The following PCDH12 variants were observed in gnomAD, a reference collection of about 807,000 sequenced individuals.
PCDH12 encodes the protein protocadherin 12.
In PCDH12, 45 loss-of-function variants were observed where a neutral mutation model predicts 70.9. The observed-to-expected ratio is 0.63, with a 90% CI of 0.50 to 0.81. The LOEUF is 0.81. Among genes scored for constraint, PCDH12 ranks in the 40% least tolerant of loss-of-function variants. The probability of loss-of-function intolerance (pLI) is 0.00; values close to 1 mark genes in which losing one functional copy is unlikely to be tolerated. For synonymous variants in PCDH12, 567 were observed against 626.0 expected (o/e 0.91, Z 1.41); for missense variants, 1,370 against 1,491.7 (o/e 0.92, Z 1.34).
chr5:141,955,910 T>G lies in PCDH12; in HGVS notation c.1942A>C (p.Ile648Leu), dbSNP rs1753174644. 6.2e-7 allele frequency: 1 copy of G among 1,614,188 alleles called. No individual in the cohort carries two copies. ...AGCTGCCCCGTATGAGGGTTGAGGA[T>G]GAAGAGGTGGGCTTCATTTCCACTG... The part of the protein sequence containing the change: ...IRSGNEAHLF[I>L]LNPHTGQLFV... Residue 648 changes from isoleucine (I) to leucine (L), a missense_variant, in exon 1 of 4, where the codon ATC (isoleucine) becomes CTC (leucine). Physicochemically the swap from Ile to Leu is conservative, Grantham distance 5. Transcript: ENST00000231484. This position sits in a 1 kb window ranked among gnomAD's most constrained non-coding sequence, Gnocchi z 5.5.
intron 1 of PCDH12, 55 bp from the exon 2 acceptor site, chr5:141,951,645 C>G (rs1456123119): frequency 7.2e-5 from 92 of 1,273,934 alleles, no homozygotes; most frequent in Non-Finnish European, 3.4e-6. Context: ...AGCACACTTC[C>G]TCGCCGGATG....
chr5:141,945,741 GA>G lies in PCDH12; in HGVS notation c.3194del (p.Leu1065ProfsTer9). The G allele has an allele frequency of 6.2e-7, 1 of 1,614,082 alleles. No homozygotes were observed. Among genetic ancestry groups the G allele is most frequent in the Non-Finnish European group, 8.5e-7 (1 of 1,180,028 alleles). Reference protein sequence around the residue: ...PAWMARLSLPLTTNYRDNVIS... With the variant: ...PAWMARLSLPXTTNYRDNVIS... ...TCACATTGTCACGGTAGTTGGTGGT[GA>G]GGGGCAAAGAGAGTCTCGCCATCCA... On this transcript the variant is annotated frameshift_variant, in exon 4 of 4. Transcript: ENST00000231484. LOFTEE classifies it high-confidence loss of function.
intron 3 of PCDH12, 66 bp from the exon 4 acceptor site, chr5:141,945,871 G>A (rs1006027267): frequency 2.0e-6 from 3 of 1,474,052 alleles, no homozygotes; most frequent in Non-Finnish European, 2.8e-6. Context: ...GTGAGGGTGG[G>A]GCAATGAGCA....
rs1381903089 is a variant in PCDH12 at position 141,945,378 on chromosome 5, T to C, written c.*3A>G. The C allele has an allele frequency of 5.1e-6, 7 of 1,370,266 alleles. No individual in the cohort carries two copies. The highest frequency in any genetic ancestry group is 7.0e-6 in the Non-Finnish European group (7 of 1,006,608). 84.9% of individuals were successfully genotyped at this position (1,370,266 alleles called of 1,614,324 possible). A position where few individuals can be genotyped will look rare whatever the true frequency, so the allele number is the denominator to read the frequency against. Reference sequence around the variant, plus strand: ...CTTGGATCCAGAGGCGTCTGAGGTATGTTCACAGGCACCTGCTGCTGCTGC... The same window carrying C: ...CTTGGATCCAGAGGCGTCTGAGGTACGTTCACAGGCACCTGCTGCTGCTGC... On this transcript the variant is annotated 3_prime_UTR_variant, in exon 4 of 4. Coordinates refer to ENST00000231484, the MANE Select transcript of PCDH12 (RefSeq NM_016580.4).
chr5:141,946,764 G>C (rs913908175), intron 3 of PCDH12, among the ~76,000 whole-genome samples: 3 of 152,128 alleles, frequency 2.0e-5, no homozygotes, highest in African/African-American at 7.2e-5. Flanking sequence ...CATTTGCAAT[G>C]CCACAGTCAC....
intron 1 of PCDH12, 79 bp downstream of exon 1, chr5:141,954,893 T>C (rs1392552896): frequency 4.0e-6 from 6 of 1,508,708 alleles, no homozygotes; most frequent in East Asian, 2.3e-5. Flanking sequence ...ATGAGGACTG[T>C]GCAGGTTATG....
chr5:141,951,710 T>C (rs1272685936), intron 1 of PCDH12, 120 bp from the exon 2 acceptor site: 12 of 766,212 alleles, frequency 1.6e-5, no homozygotes, highest in Non-Finnish European at 2.7e-5. Flanking sequence ...CTTCAGATGT[T>C]TGTGTGATCA....
chr5:141,950,511 G>T (rs931047205), intron 2 of PCDH12, among the ~76,000 whole-genome samples: 25 of 152,138 alleles, frequency 1.6e-4, no homozygotes, highest in Admixed American at 4.6e-4. Context: ...CCTGTAAGGG[G>T]TTCTCTTTAA....
In PCDH12 at chr5:141,958,162, T is replaced by C. The variant is rs1753218632; in HGVS notation, c.-311A>G. ...CTGGTCTAAGAGGGACCTGACCCAGTTGAGCAGGATGTGGGACTCTGACTG... is the reference window on the plus strand; with the variant it reads ...CTGGTCTAAGAGGGACCTGACCCAGCTGAGCAGGATGTGGGACTCTGACTG... On this transcript the variant is annotated 5_prime_UTR_variant, in exon 1 of 4. Coordinates refer to ENST00000231484, the MANE Select transcript of PCDH12 (RefSeq NM_016580.4). 3.0e-6 allele frequency: 1 copy of C among 332,356 alleles called. No individual in the cohort carries two copies. Among genetic ancestry groups the C allele is most frequent in the Non-Finnish European group, 5.5e-6 (1 of 181,144 alleles). 20.6% of individuals were successfully genotyped at this position (332,356 alleles called of 1,614,324 possible). A position where few individuals can be genotyped will look rare whatever the true frequency, so the allele number is the denominator to read the frequency against.
At position 141,943,593 on chromosome 5, in the gene PCDH12, G is replaced by A. The variant is rs1752827792; in HGVS notation, c.*1788C>T. 1 of 152,164 alleles carries A rather than the reference G, an allele frequency of 6.6e-6. No individual in the cohort carries two copies. The highest frequency in any genetic ancestry group is 6.5e-5 in the Admixed American group (1 of 15,288). 9.4% of individuals were successfully genotyped at this position (152,164 alleles called of 1,614,324 possible). ...TGGAGCTCCAATATGGATAAAAGGGGCCTCTGAAGCATTTATTGACACATT... is the reference window on the plus strand; with the variant it reads ...TGGAGCTCCAATATGGATAAAAGGGACCTCTGAAGCATTTATTGACACATT... On this transcript the variant is annotated 3_prime_UTR_variant, in exon 4 of 4. Coordinates refer to ENST00000231484, the MANE Select transcript of PCDH12 (RefSeq NM_016580.4).
rs1322279205 is a variant in PCDH12 at position 141,949,047 on chromosome 5, T to TA, written c.3130+384dup. On this transcript the variant is annotated intron_variant, in intron 3 of 3. Coordinates refer to ENST00000231484, the MANE Select transcript of PCDH12 (RefSeq NM_016580.4). ...TGGGCAACAGGTGAATCCCTGTCCC[T>TA]ACAAAAAAAAAAAAAAATCAAAAAT... is the stretch of plus-strand genomic sequence containing the variant. Among the ~76,000 whole-genome samples the TA allele has an allele frequency of 8.7e-3, 309 of 35,556 alleles. 1 individual carries two copies. The highest frequency in any genetic ancestry group is 0.039 in the African/African-American group (286 of 7,318). The allele number at this position is 35,556 out of a possible 152,430, so 23.3% of individuals were successfully genotyped here. A position where few individuals can be genotyped will look rare whatever the true frequency, so the allele number is the denominator to read the frequency against.
intron 1 of PCDH12, 142 bp from the exon 2 acceptor site, chr5:141,951,732 G>A (rs1223963542): frequency 1.5e-6 from 1 of 681,350 alleles, no homozygotes; most frequent in Non-Finnish European, 2.6e-6. Flanking sequence ...ATGGGGGATG[G>A]TGCCCAGTGA....
Position 141,955,575 on chromosome 5 carries a change from G to A in PCDH12, c.2277C>T (p.Tyr759=), listed in dbSNP as rs961038473. ...AYNCREAEST[Y]RQQPKRPQKH... The stretch of plus-strand genomic sequence containing the variant: ...TCTGGGGCCTCTTGGGCTGCTGGCG[G>A]TAGGTGGACTCGGCCTCCCGACAGT... The change falls in exon 1 of 4, where the codon TAC becomes TAT. Residue 759 remains tyrosine (Y), a synonymous_variant. Coordinates refer to ENST00000231484, the MANE Select transcript of PCDH12 (RefSeq NM_016580.4). This position sits in a 1 kb window ranked among gnomAD's most constrained non-coding sequence, Gnocchi z 5.5. The A allele has an allele frequency of 3.1e-6, 5 of 1,614,066 alleles. No homozygotes were observed. Among genetic ancestry groups the A allele is most frequent in the African/African-American group, 2.7e-5 (2 of 74,926 alleles).
Position 141,956,897 on chromosome 5 carries a change from C to T in PCDH12, c.955G>A (p.Glu319Lys), listed in dbSNP as rs752665010. The T allele has an allele frequency of 1.2e-6, 2 of 1,614,164 alleles. No individual in the cohort carries two copies. Among genetic ancestry groups the T allele is most frequent in the East Asian group, 2.2e-5 (1 of 44,880 alleles). ...AGGTCCCTTGCCTGAACATCCACCTCGTAGGCAGGGTTCTTTTCATAGTCT... is the reference window on the plus strand; with the variant it reads ...AGGTCCCTTGCCTGAACATCCACCTTGTAGGCAGGGTTCTTTTCATAGTCT... ...PLDYEKNPAY[E>K]VDVQARDLGP... The change falls in exon 1 of 4, where the codon GAG becomes AAG. Residue 319 changes from glutamate to lysine, a missense_variant. Coordinates refer to ENST00000231484, the MANE Select transcript of PCDH12 (RefSeq NM_016580.4).
Position 141,955,944 on chromosome 5 carries a change from G to T in PCDH12, c.1908C>A (p.Tyr636Ter), listed in dbSNP as rs1199310609. The T allele has an allele frequency of 1.2e-6, 2 of 1,614,186 alleles. No individual in the cohort carries two copies. Among genetic ancestry groups the T allele is most frequent in the South Asian group, 2.2e-5 (2 of 91,084 alleles). Residue 636 changes from tyrosine (Y) to a stop codon, truncating the protein, a stop_gained, in exon 1 of 4, where the codon TAC (tyrosine) becomes TAA (stop). Transcript: ENST00000231484. LOFTEE classifies it high-confidence loss of function. The surrounding 1 kb of genome is among the most constrained non-coding windows in gnomAD (Gnocchi z 5.5). ...GGGCTTCATTTCCACTGCGGATGCTGTAGAGGGGCTCTCCATTTGCCCCCG... is the reference window on the plus strand; with the variant it reads ...GGGCTTCATTTCCACTGCGGATGCTTTAGAGGGGCTCTCCATTTGCCCCCG... ...ADSGANGEPL[Y>*]SIRSGNEAHL...
At chr5:141,951,642 T>A (rs936200198) in intron 1 of PCDH12, 52 bp from the exon 2 acceptor site, 5 of 1,293,314 alleles carry the variant, frequency 3.9e-6, no homozygotes, top group Non-Finnish European at 5.6e-6. Context: ...CTCAGCACAC[T>A]TCCTCGCCGG....
rs1048025807 is a variant in PCDH12, at chr5:141,955,289, G to C, written c.2563C>G (p.Gln855Glu). The C allele has an allele frequency of 6.2e-7, 1 of 1,614,212 alleles. No individual in the cohort carries two copies. The highest frequency in any genetic ancestry group is 1.3e-5 in the African/African-American group (1 of 75,048). Residue 855 changes from glutamine to glutamate, a missense_variant, in exon 1 of 4, where the codon CAG becomes GAG. Physicochemically the swap from Gln to Glu is conservative, Grantham distance 29 (BLOSUM62 2). Transcript: ENST00000231484. The surrounding 1 kb of genome is among the most constrained non-coding windows in gnomAD (Gnocchi z 5.5). ...TVNLLFNHPR[Q>E]RNASRENLNL... ...AGGTTCTCCCGGGAGGCATTCCTCT[G>C]CCTGGGATGGTTGAAAAGGAGGTTG...
chr5:141,952,677 TAGAC>T (rs1041779274), intron 1 of PCDH12: 3 of 152,270 alleles, frequency 2.0e-5, no homozygotes, highest in African/African-American at 7.2e-5. Flanking sequence ...TGTATAGCAT[TAGAC>T]AGGTTTTTAG....
intron 1 of PCDH12, chr5:141,952,557 T>C (rs1753105684): frequency 1.3e-5 from 2 of 151,762 alleles, no homozygotes; most frequent in Non-Finnish European, 2.9e-5. Flanking sequence ...GAGAATGGAG[T>C]AGGGGATGGG....
Sources: gnomAD v4.1 joint callset for allele counts (sites outside exome capture counted in the v4.1 genomes callset) on GRCh38, gnomAD v4.1.1 for gene constraint, Gnocchi (gnomAD v3.1) non-coding constraint, MANE v1.5 for transcripts, NCBI Gene and HGNC (gene_info 2026-07-23, HGNC 2026-07-21) for gene names.